Variants in MID1 observed in about 807,000 individuals in gnomAD.
The protein encoded by MID1 is midline 1.
MID1 carries 7 observed loss-of-function variants against 40.4 expected under a neutral mutation model. The ratio of observed to expected loss-of-function variants is 0.17; its 90% CI spans 0.10 to 0.33. MID1 has a LOEUF of 0.33. Ranked by LOEUF, MID1 falls within the 10% of genes least tolerant of loss-of-function variation. The pLI, the probability that MID1 is intolerant of heterozygous loss-of-function variation, is 1.00. For missense variants in MID1, 367 were observed against 558.5 expected (o/e 0.66, Z 3.46); for synonymous variants, 229 against 221.2 (o/e 1.04, Z -0.31).
intron 1 of MID1, among the ~76,000 whole-genome samples, chrX:10,613,200 T>G (rs1935764422): frequency 9.0e-6 from 1 of 111,494 alleles, no homozygotes; most frequent in African/African-American, 3.3e-5. Context: ...ACTCCAAAAC[T>G]TGACATAGGA....
At chrX:10,493,544 A>G (rs1244831898) in intron 4 of MID1, among the ~76,000 whole-genome samples, 1 of 112,169 alleles carries the variant, frequency 8.9e-6, no homozygotes, top group Non-Finnish European at 1.9e-5. Flanking sequence ...CAAAACCTCA[A>G]TTAGAGAGGA....
chrX:10,588,029 T>C (rs1935178414), intron 1 of MID1, among the ~76,000 whole-genome samples: 1 of 112,254 alleles, frequency 8.9e-6, no homozygotes, highest in South Asian at 3.7e-4. Flanking sequence ...GAAAAACCTG[T>C]TGCATTTTTA....
intron 1 of MID1, among the ~76,000 whole-genome samples, chrX:10,638,904 T>TA (rs1936154103): frequency 9.0e-6 from 1 of 111,675 alleles, no homozygotes; most frequent in South Asian, 3.7e-4. Flanking sequence ...GGGCCTGGAG[T>TA]GGACCTCCAG....
chrX:10,462,104 C>CTAT (rs1024762639), intron 7 of MID1, among the ~76,000 whole-genome samples: 1 of 111,989 alleles, frequency 8.9e-6, no homozygotes, highest in Admixed American at 9.5e-5. Context: ...GAAGAGGTCC[C>CTAT]TATTTTTTCC....
chrX:10,617,940 C>A (rs377354278), intron 1 of MID1, among the ~76,000 whole-genome samples: 1 of 112,640 alleles, frequency 8.9e-6, no homozygotes, highest in African/African-American at 3.2e-5. Flanking sequence ...GCCTTAGGAA[C>A]CCTCAAAGAA....
rs1177605401 is a variant in MID1 at position 10,613,696 on chromosome X, AATATATATAT to A, written c.-57+6584_-57+6593del. Among the ~76,000 whole-genome samples the A allele has an allele frequency of 5.2e-3, 87 of 16,851 alleles. 1 individual carries two copies. The highest frequency in any genetic ancestry group is 0.029 in the African/African-American group (70 of 2,422). The allele number at this position is 16,851 out of a possible 115,157, so 14.6% of individuals were successfully genotyped here. A position where few individuals can be genotyped will look rare whatever the true frequency, so the allele number is the denominator to read the frequency against. ...TCTTGCCCAGAACACAACTGAAAGG[AATATATATAT>A]ATATATATATATATATATATATATA... On this transcript the variant is annotated intron_variant, in intron 1 of 9. Transcript: ENST00000317552.
chrX:10,613,730 TATAG>T (rs1447567857), intron 1 of MID1, among the ~76,000 whole-genome samples: 68 of 30,629 alleles, frequency 2.2e-3, no homozygotes, highest in Admixed American at 3.3e-3. Flanking sequence ...TATATATATA[TATAG>T]AGAGAGAGAG....
chrX:10,785,395 G>A (rs1222290352), intron 1 of MID1, among the ~76,000 whole-genome samples: 1 of 111,001 alleles, frequency 9.0e-6, no homozygotes, highest in Non-Finnish European at 1.9e-5. Context: ...TACTGCCCAA[G>A]GTAATTTATA....
At chrX:10,701,554 A>G (rs1324089678) in intron 1 of MID1, among the ~76,000 whole-genome samples, 1 of 112,252 alleles carries the variant, frequency 8.9e-6, no homozygotes, top group African/African-American at 3.2e-5. Flanking sequence ...CTATTTAAAG[A>G]AGAAGGTGGA....
intron 1 of MID1, among the ~76,000 whole-genome samples, chrX:10,741,570 G>A (rs2043523919): frequency 9.3e-6 from 1 of 107,726 alleles, no homozygotes; most frequent in East Asian, 2.9e-4. Flanking sequence ...ACCTAGAGGA[G>A]AAAGGCAATT....
chrX:10,596,727 G>A (rs775655025), intron 1 of MID1, among the ~76,000 whole-genome samples: 1 of 111,628 alleles, frequency 9.0e-6, no homozygotes, highest in South Asian at 3.8e-4. Context: ...TTAAAAAGAG[G>A]GCTTAAGGAC....
intron 3 of MID1, among the ~76,000 whole-genome samples, chrX:10,517,569 T>C (rs1780207784): frequency 8.9e-6 from 1 of 112,654 alleles, no homozygotes; most frequent in African/African-American, 3.2e-5. Flanking sequence ...TCACTAAACC[T>C]TCAAAACCAA....
intron 3 of MID1, among the ~76,000 whole-genome samples, chrX:10,507,669 AG>A (rs1931911022): frequency 8.9e-6 from 1 of 112,384 alleles, no homozygotes; most frequent in Non-Finnish European, 1.9e-5. Context: ...TGACATATGA[AG>A]GAACTGGACA....
intron 7 of MID1, 106 bp downstream of exon 7, chrX:10,469,589 TTG>T: frequency 8.3e-7 from 1 of 1,209,937 alleles, no homozygotes; most frequent in Non-Finnish European, 1.1e-6. Context: ...TCAATAAATA[TTG>T]TGTGTTCTTT....
rs1216434233 is a variant in MID1 at position 10,744,390 on chromosome X, A to G, written c.-187+89164T>C. Reference sequence around the variant, plus strand: ...CTGCTACTTGCTCACCTGGTAGCTGACAGCTCTTCTTTGAAAGACCTGGGT... The same window carrying G: ...CTGCTACTTGCTCACCTGGTAGCTGGCAGCTCTTCTTTGAAAGACCTGGGT... On this transcript the variant is annotated intron_variant, in intron 1 of 10. Transcript: ENST00000380785. Among the ~76,000 whole-genome samples, 4 of 112,200 alleles carry G rather than the reference A, an allele frequency of 3.6e-5. No homozygotes were observed. The East Asian group carries it at 1.1e-3, about 32-fold the overall frequency.
At chrX:10,581,023 C>T (rs748006406) in intron 1 of MID1, among the ~76,000 whole-genome samples, 10 of 108,313 alleles carry the variant, frequency 9.2e-5, no homozygotes, top group African/African-American at 1.7e-4. Context: ...CCGAGGCAGG[C>T]GGATCACCTG....
chrX:10,699,178 G>C (rs1173494556), intron 1 of MID1, among the ~76,000 whole-genome samples: 1 of 110,992 alleles, frequency 9.0e-6, no homozygotes, highest in Non-Finnish European at 1.9e-5. Flanking sequence ...GCAAGGCCCT[G>C]GTCACTGAAT....
chrX:10,738,500 T>A (rs1229860620), intron 1 of MID1, among the ~76,000 whole-genome samples: 1 of 112,126 alleles, frequency 8.9e-6, no homozygotes, highest in Non-Finnish European at 1.9e-5. Context: ...CTAGGCAGCC[T>A]GTGGGCATTT....
intron 1 of MID1, among the ~76,000 whole-genome samples, chrX:10,719,760 A>C (rs1416345122): frequency 1.8e-5 from 2 of 111,287 alleles, no homozygotes; most frequent in Non-Finnish European, 3.8e-5. Context: ...AGCCAAAAGA[A>C]CAAAGCTGGA....
Sources: allele counts gnomAD v4.1 joint callset (sites outside exome capture counted in the v4.1 genomes callset), GRCh38; gene constraint gnomAD v4.1.1; transcripts MANE v1.5; gene names NCBI Gene and HGNC (gene_info 2026-07-23, HGNC 2026-07-21).